Variants in ADRA1B observed in about 807,000 individuals in gnomAD.
ADRA1B encodes alpha-1B adrenergic receptor.
Under a neutral mutation model 17.9 loss-of-function variants are expected in ADRA1B, and 17 were observed. The ratio of observed to expected loss-of-function variants is 0.95; its 90% CI spans 0.65 to 1.42. The LOEUF is 1.42. Ranked by LOEUF, ADRA1B falls within the 40% of genes most tolerant of loss-of-function variation. The pLI is 0.00. For synonymous variants in ADRA1B, 366 were observed against 327.6 expected (o/e 1.12, Z -1.27); for missense variants, 681 against 722.1 (o/e 0.94, Z 0.65).
At chr5:159,969,015 C>A (rs1157877620) in intron 1 of ADRA1B, among the ~76,000 whole-genome samples, 2 of 152,208 alleles carry the variant, frequency 1.3e-5, no homozygotes, top group African/African-American at 4.8e-5. Context: ...GGTGCTCATA[C>A]ACCATAGTTG....
chr5:159,901,152 A>G (rs1322667957), intron 1 of ADRA1B, among the ~76,000 whole-genome samples: 3 of 151,738 alleles, frequency 2.0e-5, no homozygotes, highest in Admixed American at 6.6e-5. Flanking sequence ...ATAATTATTT[A>G]TTATGTAAAT....
chr5:159,976,254 A>T (rs753978257), downstream of ADRA1B, among the ~76,000 whole-genome samples: 3 of 152,198 alleles, frequency 2.0e-5, no homozygotes, highest in Non-Finnish European at 2.9e-5. Flanking sequence ...AAATTTGGAA[A>T]ATCTGGTTAT....
intron 1 of ADRA1B, among the ~76,000 whole-genome samples, chr5:159,947,198 G>A (rs13188527): frequency 3.3e-5 from 5 of 152,076 alleles, no homozygotes; most frequent in Admixed American, 2.0e-4. Context: ...AAAAATTAGC[G>A]AGGTGTGGTG....
chr5:159,947,090 C>A (rs935785413), intron 1 of ADRA1B, among the ~76,000 whole-genome samples: 1 of 152,092 alleles, frequency 6.6e-6, no homozygotes, highest in Non-Finnish European at 1.5e-5. Flanking sequence ...TCTGTAATCC[C>A]AGCACTTTGG....
At chr5:159,984,970 C>T in the ADRA1B span, among the ~76,000 whole-genome samples, 16 of 152,068 alleles carry the variant, frequency 1.1e-4, no homozygotes, top group Admixed American at 6.6e-4. Flanking sequence ...CCAGTGATTT[C>T]CCATCACAAT....
At chr5:159,875,894 C>T (rs1441721739) in intron 1 of ADRA1B, among the ~76,000 whole-genome samples, 1 of 84,582 alleles carries the variant, frequency 1.2e-5, no homozygotes, top group Admixed American at 9.5e-5. Context: ...CTAAAAGTTG[C>T]TTAAACAACA....
chr5:159,954,835 G>C (rs1304533375), intron 1 of ADRA1B, among the ~76,000 whole-genome samples: 1 of 152,166 alleles, frequency 6.6e-6, no homozygotes, highest in African/African-American at 2.4e-5. Context: ...TTTTATCATT[G>C]AGATTCTCAG....
chr5:159,944,989 T>C (rs778766484), intron 1 of ADRA1B, among the ~76,000 whole-genome samples: 13 of 152,072 alleles, frequency 8.5e-5, no homozygotes, highest in Admixed American at 3.9e-4. Context: ...AGAGGAAATA[T>C]GGAGTGGTGT....
At chr5:159,948,057 T>A (rs917967356) in intron 1 of ADRA1B, 9 of 985,412 alleles carry the variant, frequency 9.1e-6, no homozygotes, top group Non-Finnish European at 1.1e-5. Flanking sequence ...TTCACAGAGA[T>A]TAAACTTGGA....
chr5:159,943,144 G>A (rs747462167), intron 1 of ADRA1B, among the ~76,000 whole-genome samples: 12 of 151,838 alleles, frequency 7.9e-5, no homozygotes, highest in East Asian at 3.9e-4. Context: ...CTCAAGAGGC[G>A]GAGGTTGCAG....
intron 1 of ADRA1B, among the ~76,000 whole-genome samples, chr5:159,956,100 C>A (rs768957311): frequency 1.2e-4 from 19 of 152,012 alleles, no homozygotes; most frequent in Non-Finnish European, 2.1e-4. Context: ...TTCAATTGGC[C>A]AGGCCTGGTG....
chr5:159,979,973 G>A, the ADRA1B span, among the ~76,000 whole-genome samples: 4 of 152,044 alleles, frequency 2.6e-5, no homozygotes, highest in East Asian at 3.9e-4. Flanking sequence ...GGAAGCCAGA[G>A]GCAGATCAAG....
At chr5:159,933,515 A>G (rs1215582830) in intron 1 of ADRA1B, among the ~76,000 whole-genome samples, 1 of 152,234 alleles carries the variant, frequency 6.6e-6, no homozygotes, top group Non-Finnish European at 1.5e-5. Context: ...TCAGGCATCT[A>G]CGTTGACTTC....
At chr5:159,895,123 C>T (rs924063965) in intron 1 of ADRA1B, among the ~76,000 whole-genome samples, 2 of 152,230 alleles carry the variant, frequency 1.3e-5, no homozygotes. Context: ...CACTTCAGCG[C>T]TATCTATGCA....
At chr5:159,891,968 C>G (rs1413392674) in intron 1 of ADRA1B, among the ~76,000 whole-genome samples, 2 of 152,170 alleles carry the variant, frequency 1.3e-5, no homozygotes, top group Admixed American at 6.5e-5. Context: ...GCCAGGCGCG[C>G]TGGCTCACAC....
chr5:159,913,885 T>G (rs918286278), upstream of ADRA1B, among the ~76,000 whole-genome samples: 1 of 152,068 alleles, frequency 6.6e-6, no homozygotes, highest in African/African-American at 2.4e-5. Context: ...ATCCCACCCT[T>G]ACCCTCCCCT....
Position 159,878,513 on chromosome 5 carries a change from A to G in ADRA1B, c.-256+13307A>G, listed in dbSNP as rs77100191. Among the ~76,000 whole-genome samples, 1,082 of 152,118 alleles carry G rather than the reference A, an allele frequency of 7.1e-3. 10 individuals carry two copies. Among genetic ancestry groups the G allele is most frequent in the African/African-American group, 0.025 (1,029 of 41,350 alleles). ...GCAATCTGTCTGATTAATTCAGCTA[A>G]TGTGTTATTGGCTGATAACAATACC... On this transcript the variant is annotated intron_variant, in intron 1 of 2. Coordinates refer to the ADRA1B transcript ENST00000641205.
At chr5:159,880,645 C>G (rs1305154463) in intron 1 of ADRA1B, among the ~76,000 whole-genome samples, 1 of 152,224 alleles carries the variant, frequency 6.6e-6, no homozygotes, top group Admixed American at 6.5e-5. Flanking sequence ...CAGTGTCAAA[C>G]TGCTAGCAAG....
intron 1 of ADRA1B, among the ~76,000 whole-genome samples, chr5:159,872,933 AC>A (rs1199074670): frequency 3.1e-5 from 2 of 64,680 alleles, no homozygotes; most frequent in African/African-American, 6.0e-5. Flanking sequence ...CTTGCCCCCC[AC>A]CCCCAAACAG....
Sources: gnomAD v4.1 joint callset for allele counts (sites outside exome capture counted in the v4.1 genomes callset) on GRCh38, gnomAD v4.1.1 for gene constraint, MANE v1.5 for transcripts, NCBI Gene and HGNC (gene_info 2026-07-23, HGNC 2026-07-21) for gene names.